Variants in CACNA1E observed in about 807,000 individuals in gnomAD.
CACNA1E encodes the protein calcium voltage-gated channel subunit alpha1 E.
CACNA1E carries 40 observed loss-of-function variants against 259.2 expected under a neutral mutation model. The observed-to-expected ratio is 0.15, with a 90% CI of 0.12 to 0.20. CACNA1E has a LOEUF of 0.20. CACNA1E is among the 10% of genes least tolerant of loss of function. The pLI is 1.00. For missense variants in CACNA1E, 1,874 were observed against 3,040.1 expected (o/e 0.62, Z 9.02); for synonymous variants, 1,104 against 1,138.5 (o/e 0.97, Z 0.61).
chr1:181,480,731 G>A (rs1663176782), upstream of CACNA1E, among the ~76,000 whole-genome samples: 1 of 152,070 alleles, frequency 6.6e-6, no homozygotes, highest in African/African-American at 2.4e-5. Context: ...ACAAAGGAAA[G>A]GGGTGAGGTG....
At position 181,740,841 on chromosome 1, in the gene CACNA1E, T is replaced by C. The variant is rs999784262; in HGVS notation, c.3719+1588T>C. ...TTCTTGAGGAAATTTTACAGAAGCA[T>C]GGGGTATTTTCTCAAGCATCTGGGC... On this transcript the variant is annotated intron_variant, in intron 25 of 47. Transcript: ENST00000367573. 5.9e-5 allele frequency among the ~76,000 whole-genome samples: 9 copies of C among 152,200 alleles called. No homozygotes were observed. In the East Asian group the frequency reaches 1.7e-3, roughly 29 times the overall value.
chr1:181,690,192 A>T (rs1431522482), intron 7 of CACNA1E, among the ~76,000 whole-genome samples: 1 of 152,186 alleles, frequency 6.6e-6, no homozygotes, highest in Non-Finnish European at 1.5e-5. Context: ...TTTTCTGCAT[A>T]TGACTAGCCA....
chr1:181,667,833 C>T (rs1416143013), intron 7 of CACNA1E, among the ~76,000 whole-genome samples: 3 of 151,382 alleles, frequency 2.0e-5, no homozygotes, highest in Non-Finnish European at 4.4e-5. Flanking sequence ...ATGTGGAGGA[C>T]GTGTCTGTCT....
chr1:181,794,570 A>G (rs1447331675), intron 45 of CACNA1E, among the ~76,000 whole-genome samples: 3 of 152,170 alleles, frequency 2.0e-5, no homozygotes, highest in African/African-American at 7.2e-5. Context: ...AGAGGGCTCT[A>G]TGGGAGCTTG....
At chr1:181,538,841 A>G (rs1668365392) in intron 3 of CACNA1E, among the ~76,000 whole-genome samples, 1 of 152,250 alleles carries the variant, frequency 6.6e-6, no homozygotes, top group Non-Finnish European at 1.5e-5. Context: ...TATAGTGTTA[A>G]TCTGAAAAGG....
At chr1:181,501,325 C>T (rs542038889) in intron 1 of CACNA1E, among the ~76,000 whole-genome samples, 6 of 152,326 alleles carry the variant, frequency 3.9e-5, no homozygotes, top group East Asian at 3.9e-4. Context: ...CCAGCACTTC[C>T]CATCCTTTGG....
chr1:181,483,846 G>T lies in CACNA1E; in HGVS notation c.102G>T (p.Gly34=). The change falls in exon 1 of 48, where the codon GGG becomes GGT. Residue 34 remains glycine (G), a synonymous_variant. Coordinates refer to ENST00000367573, the MANE Select transcript of CACNA1E (RefSeq NM_001205293.3). ...AAGGAACCCCCGTGCCGGCCTCGGG[G>T]CAGGCGGCCGCCTACAAGCAGACGA... ...NRQGTPVPAS[G]QAAAYKQTKA... 1.9e-6 allele frequency: 3 copies of T among 1,613,772 alleles called. No homozygotes were observed. Among genetic ancestry groups the T allele is most frequent in the Non-Finnish European group, 2.5e-6 (3 of 1,179,852 alleles).
intron 25 of CACNA1E, among the ~76,000 whole-genome samples, chr1:181,740,176 G>C (rs966687894): frequency 6.6e-6 from 1 of 152,162 alleles, no homozygotes; most frequent in Non-Finnish European, 1.5e-5. Flanking sequence ...AGTACAAGTG[G>C]AAGCCTCATC....
At chr1:181,727,839 C>A (rs1406001757) in intron 18 of CACNA1E, among the ~76,000 whole-genome samples, 1 of 152,138 alleles carries the variant, frequency 6.6e-6, no homozygotes, top group African/African-American at 2.4e-5. Flanking sequence ...AAGGGAAGAG[C>A]CCTTGGTTGG....
intron 7 of CACNA1E, among the ~76,000 whole-genome samples, chr1:181,680,917 C>G (rs1649901063): frequency 6.6e-6 from 1 of 152,208 alleles, no homozygotes; most frequent in Admixed American, 6.5e-5. Flanking sequence ...AGGTGTCACA[C>G]AGGGACTCAG....
chr1:181,503,587 C>T (rs1665450928), intron 1 of CACNA1E, among the ~76,000 whole-genome samples: 1 of 152,210 alleles, frequency 6.6e-6, no homozygotes, highest in South Asian at 2.1e-4. Flanking sequence ...CCAGCCCACT[C>T]CTGAGGGCTG....
At chr1:181,413,144 G>A (rs912092328) in exon 2 of CACNA1E, 6 of 152,752 alleles carry the variant, frequency 3.9e-5, no homozygotes, top group Non-Finnish European at 5.9e-5. Flanking sequence ...GCAATGTTCT[G>A]TGATGGTGCC....
chr1:181,741,887 C>T (rs900670585), intron 25 of CACNA1E, among the ~76,000 whole-genome samples: 3 of 152,230 alleles, frequency 2.0e-5, no homozygotes, highest in African/African-American at 4.8e-5. Flanking sequence ...GGGGTCCACA[C>T]TTATGTGATG....
intron 3 of CACNA1E, among the ~76,000 whole-genome samples, chr1:181,574,246 A>G (rs1650718258): frequency 6.6e-6 from 1 of 152,208 alleles, no homozygotes; most frequent in Admixed American, 6.5e-5. Context: ...ACATTTACCT[A>G]TGTAACAAAC....
intron 7 of CACNA1E, among the ~76,000 whole-genome samples, chr1:181,695,710 C>T (rs1324720613): frequency 6.6e-6 from 1 of 152,162 alleles, no homozygotes; most frequent in African/African-American, 2.4e-5. Flanking sequence ...TGCCTGTAAT[C>T]CCACTTTGGG....
intron 1 of CACNA1E, among the ~76,000 whole-genome samples, chr1:181,409,359 T>A (rs917063460): frequency 2.0e-5 from 3 of 152,138 alleles, no homozygotes; most frequent in African/African-American, 7.2e-5. Flanking sequence ...ATATATCACT[T>A]CCACTCACAA....
Position 181,641,715 on chromosome 1 carries a change from T to TTTG in CACNA1E, c.952-9621_952-9620insGTT, listed in dbSNP as rs1553308075. Among the ~76,000 whole-genome samples, 314 of 114,050 alleles carry TTTG rather than the reference T, an allele frequency of 2.8e-3. 19 individuals are homozygous for TTTG. The highest frequency in any genetic ancestry group is 9.8e-3 in the South Asian group (34 of 3,460). The allele number at this position is 114,050 out of a possible 152,430, so 74.8% of individuals were successfully genotyped here. On this transcript the variant is annotated intron_variant, in intron 6 of 47. Coordinates refer to ENST00000367573, the MANE Select transcript of CACNA1E (RefSeq NM_001205293.3). The stretch of plus-strand genomic sequence containing the variant: ...ACACTAATTTTTTGTTTTTTTTTTT[T>TTTG]TTTTTTTTTTTTTTTTGAGACAGAG...
chr1:181,559,905 G>A (rs1379996545), intron 3 of CACNA1E, among the ~76,000 whole-genome samples: 2 of 152,208 alleles, frequency 1.3e-5, no homozygotes, highest in East Asian at 1.9e-4. Context: ...GGGATGCAGA[G>A]CATCGACATT....
At chr1:181,557,007 A>C (rs1342372039) in intron 3 of CACNA1E, among the ~76,000 whole-genome samples, 2 of 152,112 alleles carry the variant, frequency 1.3e-5, no homozygotes, top group Non-Finnish European at 2.9e-5. Flanking sequence ...GCAGTGTGGG[A>C]AAGGGGAGCT....
Sources: allele counts gnomAD v4.1 joint callset (sites outside exome capture counted in the v4.1 genomes callset), GRCh38; gene constraint gnomAD v4.1.1; transcripts MANE v1.5; gene names NCBI Gene and HGNC (gene_info 2026-07-23, HGNC 2026-07-21).